TTC33: variants seen among roughly 807,000 people sequenced by gnomAD.
TTC33 encodes the protein tetratricopeptide repeat domain 33.
In TTC33, 24 loss-of-function variants were observed where a neutral mutation model predicts 29.4. That is an observed-to-expected ratio of 0.82 (90% CI 0.59 to 1.15). The LOEUF (loss-of-function observed/expected upper bound fraction) is 1.15. Ranked by LOEUF, TTC33 falls within the 50% of genes most tolerant of loss-of-function variation. The pLI, the probability that TTC33 is intolerant of heterozygous loss-of-function variation, is 0.00. For synonymous variants in TTC33, 107 were observed against 100.3 expected (o/e 1.07, Z -0.40); for missense variants, 286 against 310.4 (o/e 0.92, Z 0.59).
intron 4 of TTC33, among the ~76,000 whole-genome samples, chr5:40,717,298 T>G (rs1742022963): frequency 6.6e-6 from 1 of 150,922 alleles, no homozygotes; most frequent in Non-Finnish European, 1.5e-5. Context: ...ATGAAGTAGG[T>G]ATGGTTATTG....
intron 1 of TTC33, among the ~76,000 whole-genome samples, chr5:40,754,913 A>C (rs1742958308): frequency 6.6e-6 from 1 of 152,196 alleles, no homozygotes; most frequent in African/African-American, 2.4e-5. Context: ...TGAAATTAAA[A>C]CTTCTTATGA....
At chr5:40,732,327 C>T (rs62356511) in intron 2 of TTC33, among the ~76,000 whole-genome samples, 2,096 of 152,082 alleles carry the variant, frequency 0.014, 31 homozygotes, top group Middle Eastern at 0.024. Context: ...TCAAGTTTGG[C>T]ATTACTTGTT....
chr5:40,754,481 G>A (rs1742950262), intron 1 of TTC33, among the ~76,000 whole-genome samples: 1 of 152,128 alleles, frequency 6.6e-6, no homozygotes, highest in African/African-American at 2.4e-5. Flanking sequence ...CTGAGTTCTT[G>A]AGAAAAAGGG....
chr5:40,740,383 G>A (rs1742667295), intron 2 of TTC33, among the ~76,000 whole-genome samples: 1 of 151,598 alleles, frequency 6.6e-6, no homozygotes, highest in Non-Finnish European at 1.5e-5. Context: ...AAGTTATTTT[G>A]CCTTCATTTC....
chr5:40,740,980 TTTAA>T (rs1419571725), intron 2 of TTC33, among the ~76,000 whole-genome samples: 1 of 152,246 alleles, frequency 6.6e-6, no homozygotes, highest in Non-Finnish European at 1.5e-5. Context: ...TTTGTTTCCC[TTTAA>T]TTATCTGAAT....
chr5:40,728,475 ACCT>A lies in TTC33; in HGVS notation c.304-2_304del. 1 of 1,592,542 alleles carries A rather than the reference ACCT, an allele frequency of 6.3e-7. No homozygotes were observed. The highest frequency in any genetic ancestry group is 1.9e-5 in the Admixed American group (1 of 53,912). On this transcript the variant is annotated splice_acceptor_variant and coding_sequence_variant, in exon 4 of 5. Coordinates refer to ENST00000337702, the MANE Select transcript of TTC33 (RefSeq NM_012382.3). LOFTEE classifies it high-confidence loss of function. ...GAACATTTCATGAAGAGACATTAGC[ACCT>A]ATAGGCAAAAAAAGACCAAAAAATC...
intron 2 of TTC33, among the ~76,000 whole-genome samples, chr5:40,746,250 A>AT (rs1334971934): frequency 6.6e-6 from 1 of 152,250 alleles, no homozygotes; most frequent in African/African-American, 2.4e-5. Context: ...AAGAAAAAAG[A>AT]AATGGGTGCA....
At chr5:40,738,768 T>C (rs1260514242) in intron 2 of TTC33, among the ~76,000 whole-genome samples, 2 of 152,106 alleles carry the variant, frequency 1.3e-5, no homozygotes, top group Non-Finnish European at 2.9e-5. Flanking sequence ...TATCTCATTG[T>C]GGTTTTAATT....
chr5:40,712,977 CATTTT>C lies in TTC33; in HGVS notation c.*3163_*3167del, dbSNP rs1048582707. On this transcript the variant is annotated 3_prime_UTR_variant, in exon 5 of 5. Coordinates refer to ENST00000337702, the MANE Select transcript of TTC33 (RefSeq NM_012382.3). ...ACTTTAGGGATAACCTCCTTTATTT[CATTTT>C]ATTTCTGTTTTATAATTTATATATT... Among the ~76,000 whole-genome samples the C allele has an allele frequency of 1.3e-5, 2 of 152,038 alleles. No homozygotes were observed. The highest frequency in any genetic ancestry group is 1.3e-4 in the Admixed American group (2 of 15,242).
rs370916408 is a variant in TTC33 at position 40,716,368 on chromosome 5, G to A, written c.566C>T (p.Ala189Val). The A allele has an allele frequency of 8.7e-6, 14 of 1,614,118 alleles. No homozygotes were observed. Among genetic ancestry groups the A allele is most frequent in the Non-Finnish European group, 6.8e-6 (8 of 1,180,030 alleles). Residue 189 changes from alanine (A) to valine (V), a missense_variant, in exon 5 of 5, where the codon GCA becomes GTA. Ala to Val is a moderately conservative substitution (Grantham distance 64, BLOSUM62 0). Coordinates refer to ENST00000337702, the MANE Select transcript of TTC33 (RefSeq NM_012382.3). ...TGAAAAGTGTGTTACTTCAGCTGGT[G>A]CTTCACTTTTTTTAATCCTCTGTGC... ...KVAQRIKKSE[A>V]PAEVTHFSPK...
Position 40,746,842 on chromosome 5 carries a change from A to T in TTC33, c.177T>A (p.Ser59Arg), listed in dbSNP as rs2111933497. Residue 59 changes from serine (S) to arginine (R), a missense_variant, in exon 2 of 5, where the codon AGT becomes AGA. Physicochemically the swap from Ser to Arg is moderately radical, Grantham distance 110. Transcript: ENST00000337702. ...TGGCTCCTTCATCCTTCAGCTGTTT[A>T]CTTTTCTCAGCACAGCCTTCAAGAA... is the stretch of plus-strand genomic sequence containing the variant. ...EILLEGCAEK[S>R]KQLKDEGASL... is the part of the protein sequence containing the mutation. 1 of 1,613,970 alleles carries T rather than the reference A, an allele frequency of 6.2e-7. No individual in the cohort carries two copies. Among genetic ancestry groups the T allele is most frequent in the African/African-American group, 1.3e-5 (1 of 74,992 alleles).
At chr5:40,739,665 G>C (rs1312527751) in intron 2 of TTC33, among the ~76,000 whole-genome samples, 1 of 152,174 alleles carries the variant, frequency 6.6e-6, no homozygotes, top group Non-Finnish European at 1.5e-5. Context: ...GGGCTCCCCA[G>C]AAGCTGAGCA....
intron 4 of TTC33, 32 bp from the exon 5 acceptor site, chr5:40,716,530 G>T (rs1013208936): frequency 2.0e-6 from 3 of 1,483,106 alleles, no homozygotes; most frequent in Non-Finnish European, 2.7e-6. Context: ...TTTTGTTTTG[G>T]TTTTAAAAAT....
chr5:40,718,653 G>A (rs2194204), intron 4 of TTC33, among the ~76,000 whole-genome samples: 33,376 of 151,886 alleles, frequency 0.22, 4,343 homozygotes, highest in Admixed American at 0.37. Flanking sequence ...CATGAGAATC[G>A]CTTGAACCCA....
At chr5:40,716,590 CAT>C in intron 4 of TTC33, 92 bp from the exon 5 acceptor site, 1 of 787,436 alleles carries the variant, frequency 1.3e-6, no homozygotes, top group Non-Finnish European at 2.1e-6. Flanking sequence ...ATACTGTACA[CAT>C]ACACATCCTA....
intron 1 of TTC33, among the ~76,000 whole-genome samples, chr5:40,749,814 G>A (rs1742860583): frequency 6.6e-6 from 1 of 152,166 alleles, no homozygotes; most frequent in Non-Finnish European, 1.5e-5. Context: ...GCCTTGCTAG[G>A]TGCAGTGGCT....
chr5:40,746,385 T>C (rs1045961908), intron 2 of TTC33, among the ~76,000 whole-genome samples: 1 of 151,288 alleles, frequency 6.6e-6, no homozygotes, highest in Non-Finnish European at 1.5e-5. Flanking sequence ...AAATACCTAT[T>C]TTTTTTTATG....
At chr5:40,747,917 C>T (rs1448216488) in intron 1 of TTC33, among the ~76,000 whole-genome samples, 4 of 152,138 alleles carry the variant, frequency 2.6e-5, no homozygotes, top group Non-Finnish European at 5.9e-5. Context: ...CCTCTGCCTC[C>T]CAGGTTCAAG....
chr5:40,718,413 AT>A (rs1334356249), intron 4 of TTC33, among the ~76,000 whole-genome samples: 1 of 151,708 alleles, frequency 6.6e-6, no homozygotes, highest in Non-Finnish European at 1.5e-5. Flanking sequence ...CTCAAAAAAA[AT>A]AAATAAATAA....
Sources: allele counts gnomAD v4.1 joint callset (sites outside exome capture counted in the v4.1 genomes callset), GRCh38; gene constraint gnomAD v4.1.1; transcripts MANE v1.5; gene names NCBI Gene and HGNC (gene_info 2026-07-23, HGNC 2026-07-21).